Variants in SF3B1 observed in about 807,000 individuals in gnomAD.
The protein encoded by SF3B1 is pre-mRNA processing 10.
A neutral mutation model predicts 153.8 loss-of-function variants in SF3B1; 12 were observed. The ratio of observed to expected loss-of-function variants is 0.08; its 90% CI spans 0.05 to 0.13. SF3B1 has a LOEUF of 0.13. Among genes scored for constraint, SF3B1 ranks in the 10% least tolerant of loss-of-function variants. SF3B1 has a pLI of 1.00. For missense variants in SF3B1, 513 were observed against 1,606.1 expected (o/e 0.32, Z 11.63); for synonymous variants, 498 against 525.2 (o/e 0.95, Z 0.71).
chr2:197,420,541 T>C lies in SF3B1; in HGVS notation c.302A>G (p.Tyr101Cys), dbSNP rs1234164862. 1.3e-6 allele frequency: 2 copies of C among 1,588,292 alleles called. No homozygotes were observed. The highest frequency in any genetic ancestry group is 1.7e-6 in the Non-Finnish European group (2 of 1,163,658). Residue 101 changes from tyrosine (Y) to cysteine (C), a missense_variant and splice_region_variant, in exon 4 of 25, where the codon TAT (tyrosine) becomes TGT (cysteine). Physicochemically the swap from Tyr to Cys is radical, Grantham distance 194 (BLOSUM62 -2). Around this residue, in one of 21 missense-constraint regions of SF3B1, gnomAD observed 56 missense variants for 75.6 expected, o/e 0.74. Transcript: ENST00000335508. ...LNDIPQSTEQYDPFAEHRPPK... is the reference protein window; with the variant it reads ...LNDIPQSTEQCDPFAEHRPPK... The stretch of plus-strand genomic sequence containing the variant: ...AGGTCTGTGCTCAGCAAATGGATCA[T>C]ACTGAAAAGAGGTATGTCTCACTTA...
rs141159803 is a variant in SF3B1 at position 197,418,191 on chromosome 2, A to G, written c.495+318T>C. On this transcript the variant is annotated intron_variant, in intron 5 of 24. Transcript: ENST00000335508. ...GCAGAGATTGCAGTGAGATGAGATC[A>G]CGCCACTGCACTCTAGCCTGGATGA... Among the ~76,000 whole-genome samples, 738 of 137,344 alleles carry G rather than the reference A, an allele frequency of 5.4e-3. 2 individuals carry two copies. The highest frequency in any genetic ancestry group is 7.7e-3 in the Non-Finnish European group (499 of 65,176). The allele number at this position is 137,344 out of a possible 152,430, so 90.1% of individuals were successfully genotyped here.
Position 197,418,509 on chromosome 2 carries a change from T to C in SF3B1, c.495A>G (p.Glu165=), listed in dbSNP as rs772553108. Residue 165 remains glutamate (E), a splice_region_variant and synonymous_variant, in exon 5 of 25, where the codon GAA becomes GAG. Coordinates refer to ENST00000335508, the MANE Select transcript of SF3B1 (RefSeq NM_012433.4). ...TAAAACAGGAGACAGGTTTACATACTTCTTCTTTAGTCAAGTGTTGTTCTC... is the reference window on the plus strand; with the variant it reads ...TAAAACAGGAGACAGGTTTACATACCTCTTCTTTAGTCAAGTGTTGTTCTC... ...VMREQHLTKE[E]REIRQQLAEK... is the part of the protein sequence containing the mutation. 3.1e-6 allele frequency: 5 copies of C among 1,605,418 alleles called. No individual in the cohort carries two copies. In the Admixed American group the frequency reaches 5.0e-5, roughly 16 times the overall value.
In SF3B1 at chr2:197,402,839, CAAAG is replaced by C. The variant is rs1270402793; in HGVS notation, c.1807-17_1807-14del. ...CCAGACCAGCAGCCTAAAATGTAAA[CAAAG>C]AAAGGACAGTCATGAGTTGGTAATA... On this transcript the variant is annotated splice_polypyrimidine_tract_variant and intron_variant, in intron 13 of 24. Transcript: ENST00000335508. This position sits in a 1 kb window ranked among gnomAD's most constrained non-coding sequence, Gnocchi z 4.6. 2.5e-6 allele frequency: 4 copies of C among 1,612,286 alleles called. No individual in the cohort carries two copies. Among genetic ancestry groups the C allele is most frequent in the South Asian group, 2.2e-5 (2 of 91,026 alleles).
intron 3 of SF3B1, 51 bp downstream of exon 3, chr2:197,420,978 C>T (rs2085231175): frequency 9.0e-7 from 1 of 1,105,302 alleles, no homozygotes. Flanking sequence ...GGAACTCAGA[C>T]ATTCACTTTT....
chr2:197,427,199 C>CA (rs1488485900), intron 1 of SF3B1, among the ~76,000 whole-genome samples: 1 of 152,130 alleles, frequency 6.6e-6, no homozygotes, highest in Non-Finnish European at 1.5e-5. Flanking sequence ...TTACCCAGCC[C>CA]AAAATCTCCT....
intron 9 of SF3B1, among the ~76,000 whole-genome samples, chr2:197,406,828 T>C (rs1159698028): frequency 1.3e-5 from 2 of 152,188 alleles, no homozygotes; most frequent in African/African-American, 2.4e-5. Context: ...CAGTGGCTCA[T>C]GCCTATAATC....
In SF3B1 at chr2:197,397,712, G is replaced by A. The variant is rs191565319; in HGVS notation, c.3266+273C>T. ...CTGGGGAGGCTGAGGCAGGAGAATC[G>A]CCTGCACCTGGGAGGCGGTGGTTGC... On this transcript the variant is annotated intron_variant, in intron 22 of 24. Coordinates refer to ENST00000335508, the MANE Select transcript of SF3B1 (RefSeq NM_012433.4). Among the ~76,000 whole-genome samples, 816 of 152,094 alleles carry A rather than the reference G, an allele frequency of 5.4e-3. 6 individuals are homozygous for A. Among genetic ancestry groups the A allele is most frequent in the African/African-American group, 0.018 (739 of 41,490 alleles).
rs1250871129 is a variant in SF3B1 at position 197,392,149 on chromosome 2, A to G, written c.*154T>C. The G allele has an allele frequency of 1.3e-5, 6 of 464,056 alleles. No individual in the cohort carries two copies. Among genetic ancestry groups the G allele is most frequent in the Non-Finnish European group, 2.3e-5 (6 of 262,412 alleles). The allele number at this position is 464,056 out of a possible 1,614,324, so 28.7% of individuals were successfully genotyped here. A position where few individuals can be genotyped will look rare whatever the true frequency, so the allele number is the denominator to read the frequency against. Reference sequence around the variant, plus strand: ...TTACTGTTTAACATCAAAAACAAAGACAGGTTATTTAAAAATCATGCTACT... The same window carrying G: ...TTACTGTTTAACATCAAAAACAAAGGCAGGTTATTTAAAAATCATGCTACT... On this transcript the variant is annotated 3_prime_UTR_variant, in exon 25 of 25. Coordinates refer to ENST00000335508, the MANE Select transcript of SF3B1 (RefSeq NM_012433.4).
At chr2:197,403,139 T>C (rs916988554) in intron 12 of SF3B1, 104 bp from the exon 13 acceptor site, 1 of 855,020 alleles carries the variant, frequency 1.2e-6, no homozygotes, top group African/African-American at 1.7e-5. Context: ...TTATCAGGAC[T>C]TTTGTTAATC....
intron 1 of SF3B1, among the ~76,000 whole-genome samples, chr2:197,430,650 C>T (rs1195541538): frequency 6.6e-6 from 1 of 152,174 alleles, no homozygotes; most frequent in Middle Eastern, 3.2e-3. Context: ...GATAGGGTTT[C>T]ACCATGTTGA....
chr2:197,392,278 A>G lies in SF3B1; in HGVS notation c.*25T>C. On this transcript the variant is annotated 3_prime_UTR_variant, in exon 25 of 25. Coordinates refer to ENST00000335508, the MANE Select transcript of SF3B1 (RefSeq NM_012433.4). ...AGTTTAAGGTGTGAAGTAGCTGTGCATTAAACACAAAATAAACAATAAAAT... is the reference window on the plus strand; with the variant it reads ...AGTTTAAGGTGTGAAGTAGCTGTGCGTTAAACACAAAATAAACAATAAAAT... The G allele has an allele frequency of 1.0e-6, 1 of 955,246 alleles. No homozygotes were observed. Among genetic ancestry groups the G allele is most frequent in the South Asian group, 1.4e-5 (1 of 72,210 alleles). The allele number at this position is 955,246 out of a possible 1,614,324, so 59.2% of individuals were successfully genotyped here. A position where few individuals can be genotyped will look rare whatever the true frequency, so the allele number is the denominator to read the frequency against.
chr2:197,404,898 G>A (rs1270451067), intron 11 of SF3B1, 178 bp downstream of exon 11: 2 of 507,948 alleles, frequency 3.9e-6, no homozygotes, highest in Non-Finnish European at 7.1e-6. Context: ...TATAAACATG[G>A]CCAGGTGCAG....
rs1361683498 is a variant in SF3B1 at position 197,401,048 on chromosome 2, G to A, written c.2497-112C>T. Reference sequence around the variant, plus strand: ...TACTACTTATTTAGCTAATAAACATGGTAAGAATGATTCATTGCTACTTAT... The same window carrying A: ...TACTACTTATTTAGCTAATAAACATAGTAAGAATGATTCATTGCTACTTAT... On this transcript the variant is annotated intron_variant, in intron 17 of 24. Transcript: ENST00000335508. The surrounding 1 kb of genome is among the most constrained non-coding windows in gnomAD (Gnocchi z 4.2). 1.7e-5 allele frequency: 11 copies of A among 663,642 alleles called. No homozygotes were observed. The highest frequency in any genetic ancestry group is 6.0e-5 in the South Asian group (3 of 49,746). The allele number at this position is 663,642 out of a possible 1,614,324, so 41.1% of individuals were successfully genotyped here.
At chr2:197,426,736 T>A (rs1419859614) in intron 1 of SF3B1, among the ~76,000 whole-genome samples, 2 of 152,134 alleles carry the variant, frequency 1.3e-5, no homozygotes, top group African/African-American at 2.4e-5. Context: ...GGATTCTGCA[T>A]CATTAACAAA....
At chr2:197,434,632 G>A (rs2085493053) in intron 1 of SF3B1, among the ~76,000 whole-genome samples, 2 of 152,198 alleles carry the variant, frequency 1.3e-5, no homozygotes, top group South Asian at 2.1e-4. Context: ...AGTGTCGAGA[G>A]GCGAGTGAGA....
At chr2:197,412,970 CAAAAAAAA>C (rs779446735) in intron 6 of SF3B1, among the ~76,000 whole-genome samples, 2 of 45,486 alleles carry the variant, frequency 4.4e-5, no homozygotes, top group Non-Finnish European at 9.8e-5. Flanking sequence ...ACTGTTGTCT[CAAAAAAAA>C]AAAAAAAAAA....
intron 22 of SF3B1, 78 bp downstream of exon 22, chr2:197,397,907 T>G: frequency 9.2e-7 from 1 of 1,089,260 alleles, no homozygotes. Context: ...AAGAGATTTC[T>G]ACATGGAAGT....
chr2:197,393,020 G>T lies in SF3B1; in HGVS notation c.3708C>A (p.Gly1236=). 1.2e-6 allele frequency: 2 copies of T among 1,613,062 alleles called. No homozygotes were observed. The highest frequency in any genetic ancestry group is 1.7e-6 in the Non-Finnish European group (2 of 1,179,216). ...VIQAVMGALE[G]LRVAIGPCRM... ...TACATGGTCCAATAGCAACTCTCAGGCCCTCTAGGGCTCCCATAACTGCCT... is the reference window on the plus strand; with the variant it reads ...TACATGGTCCAATAGCAACTCTCAGTCCCTCTAGGGCTCCCATAACTGCCT... The change falls in exon 24 of 25, where the codon GGC becomes GGA. Residue 1236 remains glycine, a synonymous_variant. Transcript: ENST00000335508.
rs2106005082 is a variant in SF3B1, at chr2:197,416,839, A to T, written c.568T>A (p.Ser190Thr). 6.2e-7 allele frequency: 1 copy of T among 1,614,116 alleles called. No individual in the cohort carries two copies. The change falls in exon 6 of 25, where the codon TCC becomes ACC. Residue 190 changes from serine to threonine, a missense_variant. Physicochemically the swap from Ser to Thr is moderately conservative, Grantham distance 58. This residue lies in a region of SF3B1 where 45 missense variants were observed against 65.5 expected (regional missense o/e 0.69). Coordinates refer to ENST00000335508, the MANE Select transcript of SF3B1 (RefSeq NM_012433.4). ...CGTTTTCGTTTTGATGGAGGCTGGG[A>T]CGCTGCTGCTCCATTGACGACTTTT... is the stretch of plus-strand genomic sequence containing the variant. Reference protein sequence around the residue: ...ELKVVNGAAASQPPSKRKRRW... With the variant: ...ELKVVNGAAATQPPSKRKRRW...
Sources: gnomAD v4.1 joint callset for allele counts (sites outside exome capture counted in the v4.1 genomes callset) on GRCh38, gnomAD v4.1.1 for gene constraint, gnomAD v4.1.1 regional missense constraint, Gnocchi (gnomAD v3.1) non-coding constraint, MANE v1.5 for transcripts, NCBI Gene and HGNC (gene_info 2026-07-23, HGNC 2026-07-21) for gene names.